The following ITGA8 variants were observed in gnomAD, a reference collection of about 807,000 sequenced individuals.
ITGA8 encodes the protein integrin subunit alpha 8.
A neutral mutation model predicts 142.3 loss-of-function variants in ITGA8; 91 were observed. The observed-to-expected ratio is 0.64, with a 90% CI of 0.54 to 0.76. The LOEUF is 0.76. Among genes scored for constraint, ITGA8 ranks in the 30% least tolerant of loss-of-function variants. The pLI is 0.00. For synonymous variants in ITGA8, 505 were observed against 485.2 expected (o/e 1.04, Z -0.54); for missense variants, 1,406 against 1,327.7 (o/e 1.06, Z -0.92).
intron 15 of ITGA8, chr10:15,611,532 C>T (rs1183055072): frequency 1.3e-5 from 2 of 148,542 alleles, no homozygotes; most frequent in African/African-American, 5.0e-5. Flanking sequence ...CCCTCTGTCA[C>T]CCAGGCTGGA....
chr10:15,521,712 G>A (rs1323465146), intron 28 of ITGA8, among the ~76,000 whole-genome samples: 1 of 152,090 alleles, frequency 6.6e-6, no homozygotes, highest in Non-Finnish European at 1.5e-5. Context: ...CCATCACCAC[G>A]GTGACATTAC....
At chr10:15,536,591 T>G (rs1225881180) in intron 27 of ITGA8, among the ~76,000 whole-genome samples, 1 of 152,222 alleles carries the variant, frequency 6.6e-6, no homozygotes, top group Non-Finnish European at 1.5e-5. Context: ...ACTCATGTAA[T>G]AGCAATCACT....
At chr10:15,632,021 G>C (rs373453740) in intron 13 of ITGA8, among the ~76,000 whole-genome samples, 5 of 152,136 alleles carry the variant, frequency 3.3e-5, no homozygotes, top group Admixed American at 1.3e-4. Context: ...GAAATTTGCT[G>C]TATTTACTAC....
At chr10:15,604,484 A>T in intron 19 of ITGA8, 129 bp from the exon 20 acceptor site, 1 of 618,262 alleles carries the variant, frequency 1.6e-6, no homozygotes, top group South Asian at 2.7e-5. Flanking sequence ...ACCATCATGA[A>T]GAGATGGTAG....
chr10:15,524,356 G>A (rs966323800), intron 28 of ITGA8, among the ~76,000 whole-genome samples: 3 of 152,186 alleles, frequency 2.0e-5, no homozygotes, highest in African/African-American at 7.2e-5. Flanking sequence ...ACTCTTACTG[G>A]AAAGAGTTAG....
chr10:15,699,618 A>G (rs562971653), intron 2 of ITGA8, among the ~76,000 whole-genome samples: 1 of 152,086 alleles, frequency 6.6e-6, no homozygotes, highest in East Asian at 1.9e-4. Flanking sequence ...TCCCACTTCT[A>G]CTCTGAGCTC....
chr10:15,672,869 T>C (rs1588714437), intron 6 of ITGA8, 120 bp from the exon 7 acceptor site: 8 of 1,108,120 alleles, frequency 7.2e-6, no homozygotes, highest in Non-Finnish European at 3.7e-6. Flanking sequence ...TGATGAATTT[T>C]CCCGCCTGCC....
intron 25 of ITGA8, among the ~76,000 whole-genome samples, chr10:15,560,910 T>C (rs1228577213): frequency 6.6e-6 from 1 of 152,092 alleles, no homozygotes; most frequent in Non-Finnish European, 1.5e-5. Flanking sequence ...TCCTTATTTA[T>C]TTATTTTTCA....
chr10:15,648,269 T>C (rs1293940904), intron 11 of ITGA8, among the ~76,000 whole-genome samples: 1 of 152,122 alleles, frequency 6.6e-6, no homozygotes, highest in African/African-American at 2.4e-5. Context: ...AATGCAATAA[T>C]CTCAAGAGTG....
In ITGA8 at chr10:15,519,285, C is replaced by T. The variant is rs1440730276; in HGVS notation, c.3105+5G>A. On this transcript the variant is annotated splice_donor_5th_base_variant and intron_variant, in intron 29 of 29. Coordinates refer to ENST00000378076, the MANE Select transcript of ITGA8 (RefSeq NM_003638.3). ...TTAAAAGGAAAACAAAGTAAATCAA[C>T]TTACCTTCCATAAAGCTAAGGTTAA... 5 of 1,613,312 alleles carry T rather than the reference C, an allele frequency of 3.1e-6. No homozygotes were observed. Among genetic ancestry groups the T allele is most frequent in the Admixed American group, 1.7e-5 (1 of 59,972 alleles).
rs533673521 is a variant in ITGA8, at chr10:15,656,846, C to T, written c.949-1440G>A. Among the ~76,000 whole-genome samples, 3 of 152,304 alleles carry T rather than the reference C, an allele frequency of 2.0e-5. No individual in the cohort carries two copies. The South Asian group carries it at 6.2e-4, about 32-fold the overall frequency. ...ATCGTGTCCTCATTTAATGAACATG[C>T]AATCCCTTAGAAAGCACACGCCCCA... On this transcript the variant is annotated intron_variant, in intron 10 of 29. Coordinates refer to ENST00000378076, the MANE Select transcript of ITGA8 (RefSeq NM_003638.3).
intron 13 of ITGA8, among the ~76,000 whole-genome samples, chr10:15,641,214 T>G (rs1258795813): frequency 2.6e-5 from 4 of 152,164 alleles, no homozygotes; most frequent in Non-Finnish European, 5.9e-5. Flanking sequence ...CTACCACGGC[T>G]GGCTGAGGGG....
chr10:15,699,082 G>A (rs979415922), intron 2 of ITGA8, among the ~76,000 whole-genome samples: 10 of 152,138 alleles, frequency 6.6e-5, no homozygotes, highest in African/African-American at 1.9e-4. Context: ...TCAGGAGTTC[G>A]AAACGAGCAT....
At chr10:15,653,449 C>G (rs578111240) in intron 11 of ITGA8, among the ~76,000 whole-genome samples, 3 of 152,156 alleles carry the variant, frequency 2.0e-5, no homozygotes, top group African/African-American at 7.2e-5. Flanking sequence ...CCTTCCACAC[C>G]GTCACATCAG....
chr10:15,688,298 A>C (rs892956959), intron 2 of ITGA8, among the ~76,000 whole-genome samples: 1 of 111,716 alleles, frequency 9.0e-6, no homozygotes, highest in Non-Finnish European at 1.9e-5. Flanking sequence ...CTACCAAAAA[A>C]TACCAAAAAA....
intron 27 of ITGA8, among the ~76,000 whole-genome samples, chr10:15,539,082 A>C (rs145054943): frequency 0.011 from 1,700 of 151,148 alleles, 31 homozygotes; most frequent in Middle Eastern, 0.056. Flanking sequence ...AATATATAGG[A>C]TATTTTGCAA....
intron 2 of ITGA8, among the ~76,000 whole-genome samples, chr10:15,712,245 T>A (rs910514148): frequency 2.6e-5 from 4 of 152,214 alleles, no homozygotes; most frequent in Non-Finnish European, 2.9e-5. Context: ...AGTGTTTTTT[T>A]AATAAAACCA....
intron 2 of ITGA8, among the ~76,000 whole-genome samples, chr10:15,717,472 T>C (rs1237668674): frequency 6.6e-6 from 1 of 152,158 alleles, no homozygotes; most frequent in Non-Finnish European, 1.5e-5. Flanking sequence ...CAAGTCTTGA[T>C]AAAATAACTA....
intron 26 of ITGA8, among the ~76,000 whole-genome samples, chr10:15,553,573 T>G (rs1000179949): frequency 6.6e-6 from 1 of 152,214 alleles, no homozygotes. Flanking sequence ...ATCACCTCCA[T>G]CCAACTCCAA....
Sources: gnomAD v4.1 joint callset for allele counts (sites outside exome capture counted in the v4.1 genomes callset) on GRCh38, gnomAD v4.1.1 for gene constraint, MANE v1.5 for transcripts, NCBI Gene and HGNC (gene_info 2026-07-23, HGNC 2026-07-21) for gene names.